The following MAF variants were observed in gnomAD, a reference collection of about 807,000 sequenced individuals.
The protein encoded by MAF is transcription factor Maf.
In MAF, 10 loss-of-function variants were observed where a neutral mutation model predicts 22.0. The ratio of observed to expected loss-of-function variants is 0.45; its 90% CI spans 0.28 to 0.77. The LOEUF is 0.77. Among genes scored for constraint, MAF ranks in the 30% least tolerant of loss-of-function variants. The pLI is 0.12. For synonymous variants in MAF, 337 were observed against 255.8 expected, an observed-to-expected ratio of 1.32 and a Z score of -3.03; for missense variants, 544 against 548.4, an observed-to-expected ratio of 0.99 and a Z score of 0.08.
At chr16:79,543,732 G>A in the MAF span, among the ~76,000 whole-genome samples, 2 of 148,600 alleles carry the variant, frequency 1.3e-5, no homozygotes, top group Admixed American at 1.4e-4. Context: ...TGTCGCCCAG[G>A]CTGGAGTGCA....
the MAF span, among the ~76,000 whole-genome samples, chr16:79,221,214 T>C: frequency 2.3e-4 from 35 of 152,322 alleles, no homozygotes; most frequent in African/African-American, 8.2e-4. Context: ...CCGGGGAATT[T>C]TACCTGGTGT....
At chr16:79,428,281 G>A in the MAF span, among the ~76,000 whole-genome samples, 6 of 152,010 alleles carry the variant, frequency 3.9e-5, no homozygotes, top group Non-Finnish European at 8.8e-5. Flanking sequence ...AGATGGCATT[G>A]AGCATCCCAG....
the MAF span, among the ~76,000 whole-genome samples, chr16:79,361,008 C>A: frequency 2.0e-5 from 3 of 152,152 alleles, no homozygotes; most frequent in Non-Finnish European, 2.9e-5. Context: ...CTCCTTCACC[C>A]CCCAGCAATA....
the MAF span, among the ~76,000 whole-genome samples, chr16:79,413,381 C>G: frequency 6.9e-6 from 1 of 144,968 alleles, no homozygotes; most frequent in Admixed American, 7.0e-5. Flanking sequence ...GTAGCTGGGA[C>G]TACAGGCGCC....
the MAF span, among the ~76,000 whole-genome samples, chr16:79,251,671 A>G: frequency 5.2e-3 from 797 of 152,212 alleles, 8 homozygotes; most frequent in African/African-American, 0.019. Flanking sequence ...AATCAAACCA[A>G]TGTCAATAAG....
chr16:79,393,916 A>T, the MAF span, among the ~76,000 whole-genome samples: 2 of 152,212 alleles, frequency 1.3e-5, no homozygotes, highest in African/African-American at 4.8e-5. Flanking sequence ...GCCAAGTTGT[A>T]TGCTTTTAAG....
chr16:79,467,229 G>A, the MAF span, among the ~76,000 whole-genome samples: 8 of 151,880 alleles, frequency 5.3e-5, no homozygotes, highest in East Asian at 1.4e-3. Context: ...TTCATTAGGG[G>A]GTCCTCTCTG....
chr16:79,446,617 C>T, the MAF span, among the ~76,000 whole-genome samples: 1 of 152,138 alleles, frequency 6.6e-6, no homozygotes, highest in African/African-American at 2.4e-5. Context: ...CTGAATGCTA[C>T]ATTTAAGAAA....
chr16:79,459,103 G>A, the MAF span, among the ~76,000 whole-genome samples: 1 of 152,108 alleles, frequency 6.6e-6, no homozygotes, highest in East Asian at 1.9e-4. Flanking sequence ...AGTAAGGTAG[G>A]CACCATTCTT....
the MAF span, among the ~76,000 whole-genome samples, chr16:79,371,394 C>A: frequency 6.6e-6 from 1 of 152,166 alleles, no homozygotes; most frequent in South Asian, 2.1e-4. Context: ...GACACAGACG[C>A]CTCCTCTCAA....
chr16:79,501,366 C>T, the MAF span, among the ~76,000 whole-genome samples: 1 of 152,172 alleles, frequency 6.6e-6, no homozygotes, highest in African/African-American at 2.4e-5. Flanking sequence ...TTAATTACAT[C>T]TGCAACAACT....
At chr16:79,401,736 G>T in the MAF span, among the ~76,000 whole-genome samples, 2 of 152,166 alleles carry the variant, frequency 1.3e-5, no homozygotes, top group African/African-American at 4.8e-5. Context: ...GAGACCAGAA[G>T]GGAAGCAAAG....
the MAF span, among the ~76,000 whole-genome samples, chr16:79,486,123 T>G: frequency 1.3e-5 from 2 of 152,182 alleles, no homozygotes; most frequent in Admixed American, 6.5e-5. Context: ...ATCGCTTCCA[T>G]GCTCACCCAT....
the MAF span, among the ~76,000 whole-genome samples, chr16:79,220,633 G>A: frequency 6.6e-6 from 1 of 151,926 alleles, no homozygotes; most frequent in Non-Finnish European, 1.5e-5. Context: ...TATAAATCGT[G>A]GTTTAGTAAA....
the MAF span, among the ~76,000 whole-genome samples, chr16:79,477,807 C>T: frequency 1.8e-4 from 28 of 152,182 alleles, no homozygotes; most frequent in African/African-American, 5.8e-4. Context: ...TCACCACAAC[C>T]TCCGCCTCCT....
intron 1 of MAF, chr16:79,598,581 G>GGGTGT (rs150301079): frequency 6.4e-6 from 9 of 1,410,580 alleles, no homozygotes; most frequent in Non-Finnish European, 6.5e-6. Flanking sequence ...CAGGGTGTGG[G>GGGTGT]GTGTGTGTGT....
At chr16:79,484,838 A>G in the MAF span, among the ~76,000 whole-genome samples, 1 of 152,190 alleles carries the variant, frequency 6.6e-6, no homozygotes, top group Non-Finnish European at 1.5e-5. Flanking sequence ...CATTTTCACT[A>G]AAAGCTACTT....
the MAF span, among the ~76,000 whole-genome samples, chr16:79,310,281 T>A: frequency 6.6e-6 from 1 of 151,948 alleles, no homozygotes; most frequent in African/African-American, 2.4e-5. Context: ...GAAAAGTTAG[T>A]GAGAATCAAC....
At chr16:79,466,875 TG>T in the MAF span, among the ~76,000 whole-genome samples, 1 of 152,206 alleles carries the variant, frequency 6.6e-6, no homozygotes, top group African/African-American at 2.4e-5. Context: ...GTGTTCCATA[TG>T]GACACGGATC....
Sources: gnomAD v4.1 joint callset for allele counts (sites outside exome capture counted in the v4.1 genomes callset) on GRCh38, gnomAD v4.1.1 for gene constraint, MANE v1.5 for transcripts, NCBI Gene and HGNC (gene_info 2026-07-23, HGNC 2026-07-21) for gene names.